The following NTM variants were observed in gnomAD, a reference collection of about 807,000 sequenced individuals.
NTM encodes neurotrimin, also known as IgLON family member 2.
NTM carries 13 observed loss-of-function variants against 42.1 expected under a neutral mutation model. The ratio of observed to expected loss-of-function variants is 0.31; its 90% CI spans 0.20 to 0.49. NTM has a LOEUF of 0.49. Among genes scored for constraint, NTM ranks in the 20% least tolerant of loss-of-function variants. The pLI, the probability that NTM is intolerant of heterozygous loss-of-function variation, is 0.99. For missense variants in NTM, 373 were observed against 452.8 expected (o/e 0.82, Z 1.60); for synonymous variants, 187 against 179.2 (o/e 1.04, Z -0.35).
intron 7 of NTM, among the ~76,000 whole-genome samples, chr11:132,325,935 C>T (rs573036964): frequency 1.2e-3 from 184 of 151,060 alleles, no homozygotes; most frequent in Non-Finnish European, 2.1e-3. Context: ...CCAAACACCG[C>T]GTGTTCTCAC....
At chr11:132,198,239 C>T (rs1052899193) in intron 3 of NTM, among the ~76,000 whole-genome samples, 41 of 152,042 alleles carry the variant, frequency 2.7e-4, no homozygotes, top group African/African-American at 8.9e-4. Context: ...AAGGTCTTTC[C>T]ATGATGCCCT....
intron 7 of NTM, among the ~76,000 whole-genome samples, chr11:132,320,814 C>T (rs7947583): frequency 9.3e-4 from 141 of 151,288 alleles, no homozygotes; most frequent in South Asian, 4.4e-3. Context: ...TCTCCCAGTA[C>T]GCAGCTGGAG....
At chr11:131,650,129 A>G (rs1431190135) in intron 1 of NTM, among the ~76,000 whole-genome samples, 2 of 152,192 alleles carry the variant, frequency 1.3e-5, no homozygotes, top group East Asian at 1.9e-4. Context: ...CAGACTATTC[A>G]TGGTATAGCA....
chr11:131,651,297 A>C (rs186799908), intron 1 of NTM, among the ~76,000 whole-genome samples: 38 of 152,360 alleles, frequency 2.5e-4, no homozygotes, highest in African/African-American at 9.1e-4. Flanking sequence ...CATAAATTCT[A>C]GTTGTGTATA....
chr11:131,738,992 C>T (rs988729249), intron 1 of NTM, among the ~76,000 whole-genome samples: 10 of 152,248 alleles, frequency 6.6e-5, no homozygotes, highest in African/African-American at 1.9e-4. Flanking sequence ...GGGCTTTGAT[C>T]CCTGCAGCTT....
intron 1 of NTM, among the ~76,000 whole-genome samples, chr11:131,371,850 G>A (rs529008508): frequency 6.6e-6 from 1 of 152,322 alleles, no homozygotes; most frequent in Admixed American, 6.5e-5. Flanking sequence ...CGTAAGGATC[G>A]AGACAAGCTG....
intron 1 of NTM, among the ~76,000 whole-genome samples, chr11:131,442,668 C>A (rs1258069403): frequency 6.6e-6 from 1 of 152,150 alleles, no homozygotes; most frequent in Non-Finnish European, 1.5e-5. Flanking sequence ...TGAGAACATG[C>A]AGCATTTGAC....
intron 1 of NTM, among the ~76,000 whole-genome samples, chr11:131,613,905 C>T (rs1346281750): frequency 6.6e-6 from 1 of 152,202 alleles, no homozygotes. Context: ...TCTGGTTCCT[C>T]ACTCCTGGCT....
chr11:132,044,110 ATG>A (rs1439399284), intron 2 of NTM, among the ~76,000 whole-genome samples: 103 of 68,190 alleles, frequency 1.5e-3, no homozygotes, highest in East Asian at 0.011. Flanking sequence ...ATATGTGTGT[ATG>A]TGTATGTGTG....
intron 4 of NTM, among the ~76,000 whole-genome samples, chr11:132,291,544 T>A (rs746116993): frequency 5.9e-5 from 9 of 152,152 alleles, no homozygotes; most frequent in Non-Finnish European, 1.3e-4. Context: ...AGGGTGAAGA[T>A]ATAAATGTGT....
intron 2 of NTM, among the ~76,000 whole-genome samples, chr11:131,996,512 T>G (rs369982017): frequency 6.6e-6 from 1 of 152,146 alleles, no homozygotes; most frequent in African/African-American, 2.4e-5. Flanking sequence ...GTCCATTCAT[T>G]AAGATGCTAC....
At chr11:132,215,985 CCTT>C (rs2083773003) in intron 4 of NTM, among the ~76,000 whole-genome samples, 1 of 152,232 alleles carries the variant, frequency 6.6e-6, no homozygotes, top group Non-Finnish European at 1.5e-5. Context: ...GGAACCCTAA[CCTT>C]CTGTAGGTAG....
At chr11:131,424,343 G>A (rs79618720) in intron 1 of NTM, among the ~76,000 whole-genome samples, 1 of 152,092 alleles carries the variant, frequency 6.6e-6, no homozygotes, top group Non-Finnish European at 1.5e-5. Flanking sequence ...TGGAGACAGG[G>A]TCTGTGTCTC....
In NTM at chr11:132,003,715, T is replaced by C. The variant is rs980296946; in HGVS notation, c.167+92067T>C. ...CACATGTCCCACATGGAGCCCACTC[T>C]TTCCCATGGTACAAAACCCTCCTTA... On this transcript the variant is annotated intron_variant, in intron 2 of 8. Coordinates refer to ENST00000683400, the MANE Select transcript of NTM (RefSeq NM_001352005.2). This position sits in a 1 kb window ranked among gnomAD's most constrained non-coding sequence, Gnocchi z 6.0. 6.6e-6 allele frequency among the ~76,000 whole-genome samples: 1 copy of C among 152,204 alleles called. No homozygotes were observed. The highest frequency in any genetic ancestry group is 2.4e-5 in the African/African-American group (1 of 41,462).
chr11:131,471,728 C>T (rs1412497698), intron 1 of NTM, among the ~76,000 whole-genome samples: 1 of 152,116 alleles, frequency 6.6e-6, no homozygotes, highest in East Asian at 1.9e-4. Flanking sequence ...ATGCTTACTC[C>T]AGGGTCTCCA....
chr11:131,830,355 G>T (rs1320623089), intron 1 of NTM, among the ~76,000 whole-genome samples: 1 of 152,160 alleles, frequency 6.6e-6, no homozygotes, highest in Non-Finnish European at 1.5e-5. Flanking sequence ...TATTGTAAAA[G>T]ACAGAAGTCA....
chr11:132,006,648 G>A (rs917861540), intron 2 of NTM, among the ~76,000 whole-genome samples: 17 of 152,256 alleles, frequency 1.1e-4, no homozygotes, highest in African/African-American at 3.6e-4. Flanking sequence ...GAGCTCTGCA[G>A]TCATTTCCTT....
At chr11:131,771,993 A>C (rs1193763704) in intron 1 of NTM, among the ~76,000 whole-genome samples, 1 of 151,934 alleles carries the variant, frequency 6.6e-6, no homozygotes, top group African/African-American at 2.4e-5. Context: ...ATTTTTCATT[A>C]TTCCTCCCAA....
intron 7 of NTM, among the ~76,000 whole-genome samples, chr11:132,327,002 A>G (rs2095697250): frequency 6.6e-6 from 1 of 152,230 alleles, no homozygotes; most frequent in Non-Finnish European, 1.5e-5. Context: ...AAGTATTTTG[A>G]TAAGAGAATT....
Sources: allele counts gnomAD v4.1 joint callset (sites outside exome capture counted in the v4.1 genomes callset), GRCh38; gene constraint gnomAD v4.1.1; non-coding constraint Gnocchi (gnomAD v3.1); transcripts MANE v1.5; gene names NCBI Gene and HGNC (gene_info 2026-07-23, HGNC 2026-07-21).